The following JAK2 variants were observed in gnomAD, a reference collection of about 807,000 sequenced individuals.
The protein encoded by JAK2 is tyrosine-protein kinase JAK2.
Under a neutral mutation model 139.3 loss-of-function variants are expected in JAK2, and 86 were observed. The ratio of observed to expected loss-of-function variants is 0.62; its 90% CI spans 0.52 to 0.74. JAK2 has a LOEUF of 0.74. JAK2 is among the 30% of genes least tolerant of loss of function. JAK2 has a pLI of 0.00. For synonymous variants in JAK2, 490 were observed against 437.7 expected (o/e 1.12, Z -1.49); for missense variants, 1,421 against 1,360.3 (o/e 1.04, Z -0.70).
At chr9:5,090,990 A>G in intron 22 of JAK2, 79 bp downstream of exon 22, 1 of 1,067,272 alleles carries the variant, frequency 9.4e-7, no homozygotes, top group Non-Finnish European at 1.3e-6. Context: ...ATAGTTTGCC[A>G]TTTCTATATT....
rs1449833342 is a variant in JAK2 at position 4,985,989 on chromosome 9, A to T, written c.-59A>T. 2 of 152,778 alleles carry T rather than the reference A, an allele frequency of 1.3e-5. No individual in the cohort carries two copies. The highest frequency in any genetic ancestry group is 4.8e-5 in the African/African-American group (2 of 41,456). 9.5% of individuals were successfully genotyped at this position (152,778 alleles called of 1,614,324 possible). A position where few individuals can be genotyped will look rare whatever the true frequency, so the allele number is the denominator to read the frequency against. ...AAGATGTGAACTGTTTCTCTTCTGC[A>T]GAAAAAGAGGCTCTTCCTCCTCCTC... On this transcript the variant is annotated 5_prime_UTR_variant, in exon 2 of 25. Transcript: ENST00000381652.
chr9:5,098,410 C>T (rs958401099), intron 22 of JAK2: 5 of 152,286 alleles, frequency 3.3e-5, no homozygotes, highest in East Asian at 3.9e-4. Flanking sequence ...GCTCACTTTC[C>T]GTGACCACGT....
At chr9:5,038,538 TACA>T (rs1354928450) in intron 4 of JAK2, among the ~76,000 whole-genome samples, 2 of 150,986 alleles carry the variant, frequency 1.3e-5, no homozygotes, top group Non-Finnish European at 2.9e-5. Context: ...AATCCAGCAA[TACA>T]GCTTGAATAT....
chr9:5,086,010 A>G, intron 19 of JAK2: 1 of 822,674 alleles, frequency 1.2e-6, no homozygotes, highest in Non-Finnish European at 2.2e-6. Flanking sequence ...AAACTGTGAT[A>G]TACTATATAC....
In JAK2 at chr9:5,066,759, TAATA is replaced by T; in HGVS notation, c.1301_1304del (p.Lys434IlefsTer3). On this transcript the variant is annotated frameshift_variant, in exon 10 of 25. Coordinates refer to ENST00000381652, the MANE Select transcript of JAK2 (RefSeq NM_004972.4). LOFTEE classifies it high-confidence loss of function. ...TACTTCGATGCAGTCCTAAGGACTT[TAATA>T]AATATTTTTTGACTTTTGCTGTCGA... The T allele has an allele frequency of 1.3e-6, 2 of 1,563,824 alleles. No individual in the cohort carries two copies. Among genetic ancestry groups the T allele is most frequent in the Non-Finnish European group, 1.7e-6 (2 of 1,157,516 alleles).
Position 5,128,371 on chromosome 9 carries a change from T to C in JAK2, c.*1580T>C, listed in dbSNP as rs991374482. On this transcript the variant is annotated 3_prime_UTR_variant, in exon 25 of 25. Transcript: ENST00000381652. ...AGTGAATTAGGTTTTAAAAAGATTT[T>C]AGATTTTTTTGAAAGTTTAATTTTT... Among the ~76,000 whole-genome samples the C allele has an allele frequency of 2.0e-5, 3 of 151,828 alleles. No individual in the cohort carries two copies. Among genetic ancestry groups the C allele is most frequent in the Non-Finnish European group, 3.0e-5 (2 of 67,750 alleles).
At chr9:5,122,578 C>A (rs570495316) in intron 22 of JAK2, among the ~76,000 whole-genome samples, 2 of 152,048 alleles carry the variant, frequency 1.3e-5, no homozygotes, top group African/African-American at 2.4e-5. Flanking sequence ...GTCAGAGATT[C>A]CCAAGACCAT....
At chr9:5,016,602 C>T (rs1212553013) in intron 2 of JAK2, among the ~76,000 whole-genome samples, 5 of 152,162 alleles carry the variant, frequency 3.3e-5, no homozygotes, top group Non-Finnish European at 7.4e-5. Context: ...GTATGCTACT[C>T]ATAAATGCAC....
intron 4 of JAK2, among the ~76,000 whole-genome samples, chr9:5,043,127 C>T (rs1370560114): frequency 1.3e-5 from 2 of 152,238 alleles, no homozygotes; most frequent in South Asian, 2.1e-4. Flanking sequence ...CCCGACCCAG[C>T]CCCGCAGGTG....
intron 22 of JAK2, chr9:5,112,421 G>A (rs905441379): frequency 8.2e-5 from 40 of 490,094 alleles, no homozygotes; most frequent in Non-Finnish European, 1.3e-4. Flanking sequence ...AGAACACGTC[G>A]GCGGCTGACC....
intron 22 of JAK2, chr9:5,113,527 C>A: frequency 6.5e-6 from 1 of 153,560 alleles, no homozygotes; most frequent in South Asian, 2.0e-4. Context: ...GTGGGCTGGT[C>A]TCAGCTGATC....
chr9:5,126,889 T>C lies in JAK2; in HGVS notation c.*98T>C. 1.7e-6 allele frequency: 1 copy of C among 589,788 alleles called. No homozygotes were observed. Among genetic ancestry groups the C allele is most frequent in the South Asian group, 2.8e-5 (1 of 35,852 alleles). The allele number at this position is 589,788 out of a possible 1,614,324, so 36.5% of individuals were successfully genotyped here. On this transcript the variant is annotated 3_prime_UTR_variant, in exon 25 of 25. Transcript: ENST00000381652. Reference sequence around the variant, plus strand: ...TATTATTACATATATCATTATTATATAAATCATGATGCTAGCCAGCAAAGA... The same window carrying C: ...TATTATTACATATATCATTATTATACAAATCATGATGCTAGCCAGCAAAGA...
At chr9:5,050,445 A>T (rs1041935596) in intron 5 of JAK2, among the ~76,000 whole-genome samples, 1 of 152,016 alleles carries the variant, frequency 6.6e-6, no homozygotes, top group Non-Finnish European at 1.5e-5. Context: ...TAATTTTTAA[A>T]TTTTTTGTGG....
At chr9:5,071,650 G>A (rs1011668648) in intron 12 of JAK2, among the ~76,000 whole-genome samples, 1 of 152,116 alleles carries the variant, frequency 6.6e-6, no homozygotes, top group African/African-American at 2.4e-5. Context: ...ATATGAAAGA[G>A]GGATTAAGTG....
intron 22 of JAK2, 30 bp from the exon 23 acceptor site, chr9:5,122,974 G>T: frequency 1.4e-6 from 2 of 1,403,450 alleles, no homozygotes; most frequent in Non-Finnish European, 2.0e-6. Flanking sequence ...TCAAGTAACT[G>T]TCTTTTAAAT....
chr9:5,125,557 T>A (rs930894275), intron 23 of JAK2, among the ~76,000 whole-genome samples: 6 of 151,576 alleles, frequency 4.0e-5, no homozygotes, highest in African/African-American at 7.2e-5. Context: ...TGAACTATTT[T>A]AAAATTTTTT....
At chr9:5,067,936 G>A (rs1027232873) in intron 10 of JAK2, among the ~76,000 whole-genome samples, 11 of 152,046 alleles carry the variant, frequency 7.2e-5, no homozygotes, top group East Asian at 1.9e-4. Context: ...GGTGGATCAC[G>A]AGGTCAAGAG....
chr9:5,069,517 T>C (rs1220668900), intron 11 of JAK2, among the ~76,000 whole-genome samples: 9 of 152,160 alleles, frequency 5.9e-5, no homozygotes, highest in Admixed American at 5.9e-4. Context: ...AATTTTCATA[T>C]ACTTCGAGGA....
In JAK2 at chr9:5,072,509, A is replaced by G; in HGVS notation, c.1659A>G (p.Gln553=). The change falls in exon 13 of 25, where the codon CAA becomes CAG. Residue 553 remains glutamine (Q), a synonymous_variant. Coordinates refer to ENST00000381652, the MANE Select transcript of JAK2 (RefSeq NM_004972.4). ...EDLIFNESLG[Q]GTFTKIFKGV... ...TCTTGAAGAATGAAAGCCTTGGCCAAGGCACTTTTACAAAGATTTTTAAAG... is the reference window on the plus strand; with the variant it reads ...TCTTGAAGAATGAAAGCCTTGGCCAGGGCACTTTTACAAAGATTTTTAAAG... 1 of 1,591,386 alleles carries G rather than the reference A, an allele frequency of 6.3e-7. No homozygotes were observed. Among genetic ancestry groups the G allele is most frequent in the Non-Finnish European group, 8.6e-7 (1 of 1,167,278 alleles).
Sources: allele counts gnomAD v4.1 joint callset (sites outside exome capture counted in the v4.1 genomes callset), GRCh38; gene constraint gnomAD v4.1.1; transcripts MANE v1.5; gene names NCBI Gene and HGNC (gene_info 2026-07-23, HGNC 2026-07-21).